AGBL4: variants seen among roughly 807,000 people sequenced by gnomAD.
AGBL4 encodes AGBL carboxypeptidase 4, also known as cytosolic carboxypeptidase 6.
Under a neutral mutation model 66.4 loss-of-function variants are expected in AGBL4, and 58 were observed. The observed-to-expected ratio is 0.87, with a 90% CI of 0.71 to 1.09. The LOEUF (loss-of-function observed/expected upper bound fraction) is 1.09, where lower values mean the gene tolerates loss of function less well. Ranked by LOEUF, AGBL4 falls within the 50% of genes least tolerant of loss-of-function variation. The pLI, the probability that AGBL4 is intolerant of heterozygous loss-of-function variation, is 0.00. For synonymous variants in AGBL4, 234 were observed against 222.9 expected, an observed-to-expected ratio of 1.05 and a Z score of -0.44; for missense variants, 579 against 631.0, an observed-to-expected ratio of 0.92 and a Z score of 0.88.
chr1:49,492,260 C>T (rs1647203354), intron 3 of AGBL4, among the ~76,000 whole-genome samples: 1 of 151,842 alleles, frequency 6.6e-6, no homozygotes, highest in South Asian at 2.1e-4. Context: ...ATGTTTGGAG[C>T]AGACAATGTC....
At chr1:49,865,716 A>G (rs1557525776) in intron 1 of AGBL4, among the ~76,000 whole-genome samples, 1 of 152,202 alleles carries the variant, frequency 6.6e-6, no homozygotes, top group South Asian at 2.1e-4. Context: ...AATGATTGCA[A>G]CATCTCTCCA....
At chr1:48,779,757 AG>A (rs1645247667) in intron 6 of AGBL4, among the ~76,000 whole-genome samples, 1 of 142,278 alleles carries the variant, frequency 7.0e-6, no homozygotes, top group Non-Finnish European at 1.5e-5. Flanking sequence ...CTTGTTGCCC[AG>A]GCTGGAGTGC....
rs151302127 is a variant in AGBL4 at position 48,810,648 on chromosome 1, A to G, written c.634+56543T>C. 7.2e-4 allele frequency among the ~76,000 whole-genome samples: 110 copies of G among 152,358 alleles called. 1 individual carries two copies. Among genetic ancestry groups the G allele is most frequent in the African/African-American group, 2.5e-3 (102 of 41,586 alleles). ...TAGATGGAAGCTATTATTTTATTCAAAATTTCAGCTTTGGCAAAATTTATT... is the reference window on the plus strand; with the variant it reads ...TAGATGGAAGCTATTATTTTATTCAGAATTTCAGCTTTGGCAAAATTTATT... On this transcript the variant is annotated intron_variant, in intron 6 of 13. Coordinates refer to ENST00000371839, the MANE Select transcript of AGBL4 (RefSeq NM_032785.4).
chr1:49,766,477 C>A (rs1259828614), intron 2 of AGBL4, among the ~76,000 whole-genome samples: 1 of 152,082 alleles, frequency 6.6e-6, no homozygotes, highest in Non-Finnish European at 1.5e-5. Flanking sequence ...AACACAAAAT[C>A]ATGCTTAAGT....
At chr1:48,674,390 A>G (rs1346480368) in intron 6 of AGBL4, among the ~76,000 whole-genome samples, 1 of 152,190 alleles carries the variant, frequency 6.6e-6, no homozygotes, top group Non-Finnish European at 1.5e-5. Context: ...TATAGCTGGC[A>G]AGTGATGAGA....
At chr1:49,814,782 C>T (rs951471245) in intron 2 of AGBL4, among the ~76,000 whole-genome samples, 1 of 151,978 alleles carries the variant, frequency 6.6e-6, no homozygotes, top group Admixed American at 6.6e-5. Flanking sequence ...ACCAAGATAC[C>T]TGGAATAGGA....
chr1:49,715,907 T>C (rs2124673430), intron 2 of AGBL4, among the ~76,000 whole-genome samples: 1 of 152,294 alleles, frequency 6.6e-6, no homozygotes, highest in South Asian at 2.1e-4. Flanking sequence ...AGGTTGCCTG[T>C]TCACTCTGAT....
intron 11 of AGBL4, among the ~76,000 whole-genome samples, chr1:48,542,441 A>T (rs998458150): frequency 6.6e-6 from 1 of 152,190 alleles, no homozygotes; most frequent in Non-Finnish European, 1.5e-5. Flanking sequence ...TGGTTGAAAT[A>T]ATTTACACTC....
At chr1:48,904,285 A>G (rs575116730) in intron 5 of AGBL4, among the ~76,000 whole-genome samples, 5 of 152,212 alleles carry the variant, frequency 3.3e-5, no homozygotes, top group African/African-American at 9.6e-5. Context: ...AAGGAAAATA[A>G]TAATACAATA....
intron 3 of AGBL4, among the ~76,000 whole-genome samples, chr1:49,536,883 C>A (rs923120430): frequency 2.6e-5 from 4 of 151,964 alleles, no homozygotes; most frequent in Admixed American, 6.6e-5. Context: ...TGGTGGGCGC[C>A]TGTAATGCCA....
intron 3 of AGBL4, among the ~76,000 whole-genome samples, chr1:49,596,619 G>T (rs1644858608): frequency 6.6e-6 from 1 of 152,124 alleles, no homozygotes; most frequent in Admixed American, 6.6e-5. Context: ...TAAAAGTTTT[G>T]AACTCTGAAG....
intron 3 of AGBL4, among the ~76,000 whole-genome samples, chr1:49,348,074 T>G (rs1248769403): frequency 6.6e-6 from 1 of 152,076 alleles, no homozygotes; most frequent in African/African-American, 2.4e-5. Flanking sequence ...GTTGGGACAT[T>G]ATTCTGGACT....
At chr1:49,474,985 T>A (rs1377632180) in intron 3 of AGBL4, among the ~76,000 whole-genome samples, 5 of 152,052 alleles carry the variant, frequency 3.3e-5, no homozygotes, top group Non-Finnish European at 7.4e-5. Context: ...TGAATAGTAG[T>A]GGTGAAAGTG....
chr1:49,847,651 A>G (rs567710603), intron 2 of AGBL4, among the ~76,000 whole-genome samples: 127 of 152,176 alleles, frequency 8.3e-4, no homozygotes, highest in Non-Finnish European at 1.6e-3. Context: ...AAATAAGCAA[A>G]GGACATGAAT....
intron 3 of AGBL4, among the ~76,000 whole-genome samples, chr1:49,513,715 A>C (rs1320160722): frequency 6.6e-6 from 1 of 151,964 alleles, no homozygotes; most frequent in Non-Finnish European, 1.5e-5. Context: ...ATGGTAAGTG[A>C]TTTATATTTT....
At chr1:49,049,491 G>A (rs183623916) in intron 4 of AGBL4, among the ~76,000 whole-genome samples, 1 of 152,100 alleles carries the variant, frequency 6.6e-6, no homozygotes, top group East Asian at 1.9e-4. Flanking sequence ...TCAAAGAGTA[G>A]GCTTCTTGAA....
chr1:49,923,829 G>C (rs1571880527), intron 1 of AGBL4, among the ~76,000 whole-genome samples: 1 of 152,160 alleles, frequency 6.6e-6, no homozygotes, highest in East Asian at 1.9e-4. Flanking sequence ...ATGCTGGCAA[G>C]GTTGTGGAGG....
chr1:48,836,411 T>C (rs973034102), intron 6 of AGBL4, among the ~76,000 whole-genome samples: 1 of 152,096 alleles, frequency 6.6e-6, no homozygotes, highest in African/African-American at 2.4e-5. Flanking sequence ...TTAAAGCTTT[T>C]CTTCTTTATA....
At chr1:49,164,437 T>C (rs529698754) in intron 4 of AGBL4, among the ~76,000 whole-genome samples, 1 of 152,282 alleles carries the variant, frequency 6.6e-6, no homozygotes, top group South Asian at 2.1e-4. Flanking sequence ...GGACCAGCTC[T>C]GATTTTACAG....
Sources: allele counts gnomAD v4.1 joint callset (sites outside exome capture counted in the v4.1 genomes callset), GRCh38; gene constraint gnomAD v4.1.1; transcripts MANE v1.5; gene names NCBI Gene and HGNC (gene_info 2026-07-23, HGNC 2026-07-21).